Variants in LHX2 observed in about 807,000 individuals in gnomAD.
LHX2 encodes the protein LIM/homeobox protein Lhx2.
Under a neutral mutation model 33.0 loss-of-function variants are expected in LHX2, and 6 were observed. The ratio of observed to expected loss-of-function variants is 0.18; its 90% confidence interval spans 0.10 to 0.36. The LOEUF (loss-of-function observed/expected upper bound fraction) is 0.36. Ranked by LOEUF, LHX2 falls within the 10% of genes least tolerant of loss-of-function variation. The pLI is 1.00. For synonymous variants in LHX2, 292 were observed against 253.1 expected, an observed-to-expected ratio of 1.15 and a Z score of -1.46; for missense variants, 442 against 586.2, an observed-to-expected ratio of 0.75 and a Z score of 2.54.
chr9:124,012,306 C>T lies in LHX2; in HGVS notation c.-43C>T. ...GCAGCTGAGGCGGGGGGCAAGCCCT[C>T]CCTCGGAGGAGCCGCGCCCCCGGCC... On this transcript the variant is annotated 5_prime_UTR_variant, in exon 1 of 5. Transcript: ENST00000373615. This position sits in a 1 kb window ranked among gnomAD's most constrained non-coding sequence, Gnocchi z 4.3. 1 of 1,472,828 alleles carries T rather than the reference C, an allele frequency of 6.8e-7. No homozygotes were observed. 91.2% of individuals were successfully genotyped at this position (1,472,828 alleles called of 1,614,324 possible).
At chr9:124,020,273 G>C (rs1419464442) in intron 3 of LHX2, among the ~76,000 whole-genome samples, 1 of 151,954 alleles carries the variant, frequency 6.6e-6, no homozygotes, top group Non-Finnish European at 1.5e-5. Context: ...GTTTATTTCT[G>C]CCTCGGACTT....
rs1439448985 is a variant in LHX2 at position 124,012,343 on chromosome 9, G to T, written c.-6G>T. 1 of 1,494,034 alleles carries T rather than the reference G, an allele frequency of 6.7e-7. No homozygotes were observed. The highest frequency in any genetic ancestry group is 8.9e-7 in the Non-Finnish European group (1 of 1,126,514). 92.5% of individuals were successfully genotyped at this position (1,494,034 alleles called of 1,614,324 possible). A position where few individuals can be genotyped will look rare whatever the true frequency, so the allele number is the denominator to read the frequency against. Reference sequence around the variant, plus strand: ...CCGCGCCCCCGGCCCCGCCGGTCCCGCCGCGATGCTGTTCCACAGTCTGTC... The same window carrying T: ...CCGCGCCCCCGGCCCCGCCGGTCCCTCCGCGATGCTGTTCCACAGTCTGTC... On this transcript the variant is annotated 5_prime_UTR_variant, in exon 1 of 5. Coordinates refer to ENST00000373615, the MANE Select transcript of LHX2 (RefSeq NM_004789.4). This position sits in a 1 kb window ranked among gnomAD's most constrained non-coding sequence, Gnocchi z 4.3.
At position 124,012,513 on chromosome 9, in the gene LHX2, C is replaced by A; in HGVS notation, c.120+45C>A. 1 of 1,472,702 alleles carries A rather than the reference C, an allele frequency of 6.8e-7. No homozygotes were observed. The highest frequency in any genetic ancestry group is 9.0e-7 in the Non-Finnish European group (1 of 1,114,136). The allele number at this position is 1,472,702 out of a possible 1,614,324, so 91.2% of individuals were successfully genotyped here. ...GTCGGGGCTGAGAGCTGGGATGGGG[C>A]CGGGCCAGTCAGCGCCTCTGCTCCC... is the stretch of plus-strand genomic sequence containing the variant. On this transcript the variant is annotated intron_variant, in intron 1 of 4. Transcript: ENST00000373615. The surrounding 1 kb of genome is among the most constrained non-coding windows in gnomAD (Gnocchi z 4.3).
At position 124,030,630 on chromosome 9, in the gene LHX2, T is replaced by TTC. The variant is rs199977842; in HGVS notation, c.934-1789_934-1788insCT. ...AGATGAATTTCATTTTTCTTTTCTTTTTTTTTTTTTTTTTTTTTTGAGATG... is the reference window on the plus strand; with the variant it reads ...AGATGAATTTCATTTTTCTTTTCTTTTCTTTTTTTTTTTTTTTTTTTGAGATG... On this transcript the variant is annotated intron_variant, in intron 4 of 4. Coordinates refer to ENST00000373615, the MANE Select transcript of LHX2 (RefSeq NM_004789.4). Among the ~76,000 whole-genome samples the TTC allele has an allele frequency of 8.2e-3, 435 of 53,302 alleles. 16 individuals carry two copies. In the East Asian group the frequency reaches 0.15, roughly 18 times the overall value. The allele number at this position is 53,302 out of a possible 152,430, so 35.0% of individuals were successfully genotyped here. A position where few individuals can be genotyped will look rare whatever the true frequency, so the allele number is the denominator to read the frequency against.
intron 4 of LHX2, among the ~76,000 whole-genome samples, chr9:124,031,016 C>T (rs1347855780): frequency 6.6e-6 from 1 of 152,026 alleles, no homozygotes; most frequent in African/African-American, 2.4e-5. Flanking sequence ...TGTCTGTGCC[C>T]AAGGAAAAAT....
intron 3 of LHX2, among the ~76,000 whole-genome samples, chr9:124,018,614 G>A (rs1859237986): frequency 1.3e-5 from 2 of 152,242 alleles, no homozygotes; most frequent in South Asian, 4.1e-4. Flanking sequence ...CCGGGATTCA[G>A]CTCGGCCACC....
At chr9:124,029,008 A>AT (rs1452092538) in intron 4 of LHX2, among the ~76,000 whole-genome samples, 3 of 152,106 alleles carry the variant, frequency 2.0e-5, no homozygotes, top group African/African-American at 7.2e-5. Context: ...CACTCAGGAG[A>AT]TTGAGGCAGG....
rs78148114 is a variant in LHX2 at position 124,032,840 on chromosome 9, T to TA, written c.*141dup. 0.063 allele frequency: 66,251 copies of TA among 1,059,422 alleles called. 2,710 individuals are homozygous for TA. The highest frequency in any genetic ancestry group is 0.21 in the East Asian group (7,724 of 36,916). 65.6% of individuals were successfully genotyped at this position (1,059,422 alleles called of 1,614,324 possible). A position where few individuals can be genotyped will look rare whatever the true frequency, so the allele number is the denominator to read the frequency against. On this transcript the variant is annotated 3_prime_UTR_variant, in exon 5 of 5. Transcript: ENST00000373615. The surrounding 1 kb of genome is among the most constrained non-coding windows in gnomAD (Gnocchi z 4.1). ...TTAGGATCTCGCCTGGAAACAGAGG[T>TA]AAAAAAAAGAAGTGTGCGCCCGGCT...
chr9:124,020,965 T>C (rs1859281586), intron 3 of LHX2, 134 bp from the exon 4 acceptor site: 2 of 743,614 alleles, frequency 2.7e-6, no homozygotes, highest in South Asian at 1.7e-5. Context: ...GGGGATGATG[T>C]CCCCCTTTCA....
At chr9:124,017,189 C>T (rs117407235) in intron 3 of LHX2, among the ~76,000 whole-genome samples, 3,605 of 152,266 alleles carry the variant, frequency 0.024, 78 homozygotes, top group Admixed American at 0.062. Flanking sequence ...TCTCTCTGGC[C>T]TCCCTCTCTC....
chr9:124,031,467 AG>A (rs1828703446), intron 4 of LHX2, among the ~76,000 whole-genome samples: 2 of 152,062 alleles, frequency 1.3e-5, no homozygotes, highest in African/African-American at 4.8e-5. Flanking sequence ...AAAAAAAAAA[AG>A]GAATGTCTCA....
At chr9:124,020,483 A>G (rs932808857) in intron 3 of LHX2, among the ~76,000 whole-genome samples, 1 of 152,120 alleles carries the variant, frequency 6.6e-6, no homozygotes, top group Non-Finnish European at 1.5e-5. Flanking sequence ...GTGTGGCAAA[A>G]TGAACATGAA....
At chr9:124,017,908 G>C (rs1282322742) in intron 3 of LHX2, among the ~76,000 whole-genome samples, 2 of 151,926 alleles carry the variant, frequency 1.3e-5, no homozygotes, top group Non-Finnish European at 2.9e-5. Flanking sequence ...GGCTGCCAGC[G>C]GGCTGGGGGT....
intron 4 of LHX2, among the ~76,000 whole-genome samples, chr9:124,023,552 A>C (rs903887111): frequency 3.3e-5 from 5 of 152,138 alleles, no homozygotes; most frequent in African/African-American, 1.2e-4. Flanking sequence ...TAGATTTCTC[A>C]TCTGTAGAAA....
At position 124,016,373 on chromosome 9, in the gene LHX2, G is replaced by A. The variant is rs963187361; in HGVS notation, c.727+848G>A. On this transcript the variant is annotated intron_variant, in intron 3 of 4. Coordinates refer to ENST00000373615, the MANE Select transcript of LHX2 (RefSeq NM_004789.4). This position sits in a 1 kb window ranked among gnomAD's most constrained non-coding sequence, Gnocchi z 4.4. ...AGAGGTTCTGAGTTCCGGCAAATGA[G>A]CCGTCAACATCTGCCCGAAGTCTGC... Among the ~76,000 whole-genome samples, 2 of 152,230 alleles carry A rather than the reference G, an allele frequency of 1.3e-5. No individual in the cohort carries two copies. Among genetic ancestry groups the A allele is most frequent in the Non-Finnish European group, 2.9e-5 (2 of 68,042 alleles).
At chr9:124,019,944 A>G (rs908681380) in intron 3 of LHX2, among the ~76,000 whole-genome samples, 1 of 152,158 alleles carries the variant, frequency 6.6e-6, no homozygotes, top group Non-Finnish European at 1.5e-5. Flanking sequence ...GTTTTCACCC[A>G]TATTCCCCAC....
At position 124,012,961 on chromosome 9, in the gene LHX2, G is replaced by C. The variant is rs551057142; in HGVS notation, c.120+493G>C. 6.6e-6 allele frequency among the ~76,000 whole-genome samples: 1 copy of C among 152,224 alleles called. No homozygotes were observed. The highest frequency in any genetic ancestry group is 2.4e-5 in the African/African-American group (1 of 41,474). Reference sequence around the variant, plus strand: ...GCAGTTTCAGAGGCCGAAGTCTTCGGGGCCAACATTTGTCGTTGATCGCGT... The same window carrying C: ...GCAGTTTCAGAGGCCGAAGTCTTCGCGGCCAACATTTGTCGTTGATCGCGT... On this transcript the variant is annotated intron_variant, in intron 1 of 4. Transcript: ENST00000373615. The surrounding 1 kb of genome is among the most constrained non-coding windows in gnomAD (Gnocchi z 4.3).
chr9:124,027,941 A>G (rs1471864374), intron 4 of LHX2, among the ~76,000 whole-genome samples: 1 of 152,194 alleles, frequency 6.6e-6, no homozygotes, highest in Non-Finnish European at 1.5e-5. Flanking sequence ...AGCCATCACA[A>G]GACATTTCCC....
chr9:124,025,907 C>T (rs1289066143), intron 4 of LHX2, among the ~76,000 whole-genome samples: 2 of 151,934 alleles, frequency 1.3e-5, no homozygotes, highest in Non-Finnish European at 2.9e-5. Flanking sequence ...ATCACTTGAA[C>T]CCAGGAGGTG....
Sources: allele counts gnomAD v4.1 joint callset (sites outside exome capture counted in the v4.1 genomes callset), GRCh38; gene constraint gnomAD v4.1.1; non-coding constraint Gnocchi (gnomAD v3.1); transcripts MANE v1.5; gene names NCBI Gene and HGNC (gene_info 2026-07-23, HGNC 2026-07-21).